The following FRMD3 variants were observed in gnomAD, a reference collection of about 807,000 sequenced individuals.
The protein encoded by FRMD3 is FERM domain-containing protein 3.
Under a neutral mutation model 70.2 loss-of-function variants are expected in FRMD3, and 33 were observed. The observed-to-expected ratio is 0.47, with a 90% CI of 0.36 to 0.63. The LOEUF is 0.63. FRMD3 is among the 20% of genes least tolerant of loss of function. The pLI is 0.00. For missense variants in FRMD3, 632 were observed against 711.4 expected (o/e 0.89, Z 1.27); for synonymous variants, 279 against 255.9 (o/e 1.09, Z -0.86).
chr9:83,370,418 TG>T (rs1292474896), intron 3 of FRMD3, among the ~76,000 whole-genome samples: 1 of 152,240 alleles, frequency 6.6e-6, no homozygotes, highest in East Asian at 1.9e-4. Context: ...ATAATTTTTT[TG>T]TTCGGTAATG....
chr9:83,344,918 T>TAATTTAATCTTTACTCA (rs1823904435), intron 4 of FRMD3, among the ~76,000 whole-genome samples: 1 of 151,206 alleles, frequency 6.6e-6, no homozygotes, highest in South Asian at 2.1e-4. Context: ...AGCGCCCAAG[T>TAATTTAATCTTTACTCA]AATTTAATCT....
At chr9:83,484,576 C>A (rs1162956857) in intron 1 of FRMD3, among the ~76,000 whole-genome samples, 1 of 152,146 alleles carries the variant, frequency 6.6e-6, no homozygotes, top group African/African-American at 2.4e-5. Flanking sequence ...CGCCATCACA[C>A]CTGGCTAAAT....
At chr9:83,264,130 T>A (rs538179104) in intron 13 of FRMD3, among the ~76,000 whole-genome samples, 14 of 152,308 alleles carry the variant, frequency 9.2e-5, no homozygotes, top group South Asian at 4.1e-4. Flanking sequence ...GACAATGGAA[T>A]ATTATTCAGT....
chr9:83,358,189 G>A (rs1053659720), intron 3 of FRMD3, among the ~76,000 whole-genome samples: 6 of 152,106 alleles, frequency 3.9e-5, no homozygotes, highest in Non-Finnish European at 5.9e-5. Flanking sequence ...GTTGAACAGG[G>A]TGTCCTTTCC....
chr9:83,525,624 C>A (rs1054748105), intron 1 of FRMD3, among the ~76,000 whole-genome samples: 2 of 152,154 alleles, frequency 1.3e-5, no homozygotes, highest in African/African-American at 2.4e-5. Flanking sequence ...GGCAACTTCC[C>A]TAGAAAGAAA....
intron 1 of FRMD3, among the ~76,000 whole-genome samples, chr9:83,397,144 G>A (rs1225333992): frequency 6.6e-6 from 1 of 152,188 alleles, no homozygotes; most frequent in Non-Finnish European, 1.5e-5. Flanking sequence ...AAATCTGGAT[G>A]CTAGCTGCCC....
At chr9:83,352,904 C>T (rs1406635362) in intron 3 of FRMD3, among the ~76,000 whole-genome samples, 1 of 152,124 alleles carries the variant, frequency 6.6e-6, no homozygotes, top group Non-Finnish European at 1.5e-5. Flanking sequence ...ACAGAACAAG[C>T]CACTATGTTC....
chr9:83,469,700 AT>A (rs1199703759), intron 1 of FRMD3, among the ~76,000 whole-genome samples: 1 of 152,194 alleles, frequency 6.6e-6, no homozygotes, highest in East Asian at 1.9e-4. Context: ...AAAAAAACAC[AT>A]TAAACTGGAG....
chr9:83,479,633 AAGGAAGGAAGGAAG>A (rs1828489947), intron 1 of FRMD3, among the ~76,000 whole-genome samples: 2 of 40,086 alleles, frequency 5.0e-5, no homozygotes, highest in African/African-American at 1.2e-4. Flanking sequence ...GAAAGGAAGG[AAGGAAGGAAGGAAG>A]GAAGGAAGGA....
chr9:83,301,604 C>A (rs531262197), intron 10 of FRMD3, among the ~76,000 whole-genome samples: 1 of 152,184 alleles, frequency 6.6e-6, no homozygotes, highest in African/African-American at 2.4e-5. Flanking sequence ...ACAGAAGCGA[C>A]ACGTGAAGCC....
At chr9:83,373,023 T>C in intron 2 of FRMD3, 68 bp from the exon 3 acceptor site, 9 of 1,270,956 alleles carry the variant, frequency 7.1e-6, no homozygotes, top group Non-Finnish European at 1.0e-5. Context: ...GAATACCTAA[T>C]AACTAAAAGG....
At chr9:83,478,050 T>C (rs1828440408) in intron 1 of FRMD3, among the ~76,000 whole-genome samples, 1 of 152,232 alleles carries the variant, frequency 6.6e-6, no homozygotes, top group South Asian at 2.1e-4. Flanking sequence ...TTCCCAGGAC[T>C]GGCTTCCCTT....
At chr9:83,339,607 C>G (rs1366175275) in intron 5 of FRMD3, among the ~76,000 whole-genome samples, 1 of 152,176 alleles carries the variant, frequency 6.6e-6, no homozygotes, top group Non-Finnish European at 1.5e-5. Flanking sequence ...CCTTTAGCTC[C>G]AGGGCCAACT....
At chr9:83,307,168 G>C (rs1324868077) in intron 10 of FRMD3, among the ~76,000 whole-genome samples, 6 of 152,004 alleles carry the variant, frequency 3.9e-5, no homozygotes, top group Non-Finnish European at 8.8e-5. Context: ...ATAACTAACT[G>C]AACATCTGTA....
chr9:83,486,986 C>T (rs1448844003), intron 1 of FRMD3, among the ~76,000 whole-genome samples: 2 of 152,154 alleles, frequency 1.3e-5, no homozygotes, highest in Admixed American at 6.6e-5. Flanking sequence ...GAATATTCTC[C>T]CATGAACTGC....
chr9:83,438,886 T>C (rs1317629854), intron 1 of FRMD3, among the ~76,000 whole-genome samples: 1 of 152,220 alleles, frequency 6.6e-6, no homozygotes, highest in Non-Finnish European at 1.5e-5. Context: ...CACCTCAGCA[T>C]AGCCTTCCTC....
the FRMD3 span, among the ~76,000 whole-genome samples, chr9:83,564,446 C>T: frequency 2.9e-3 from 437 of 152,272 alleles, 1 homozygote; most frequent in African/African-American, 9.7e-3. Flanking sequence ...TGCATATTTA[C>T]GTGAATATTA....
At chr9:83,351,323 T>TACACACACACACACACAC (rs56407249) in intron 3 of FRMD3, among the ~76,000 whole-genome samples, 19,110 of 143,522 alleles carry the variant, frequency 0.13, 1,545 homozygotes, top group Admixed American at 0.19. Flanking sequence ...AAACTGATCA[T>TACACACACACACACACAC]ACACACACAC....
chr9:83,334,283 T>G (rs546701679), intron 6 of FRMD3, among the ~76,000 whole-genome samples: 1 of 152,346 alleles, frequency 6.6e-6, no homozygotes, highest in African/African-American at 2.4e-5. Flanking sequence ...ATTACCCACA[T>G]AGATGGCCTG....
Sources: allele counts gnomAD v4.1 joint callset (sites outside exome capture counted in the v4.1 genomes callset), GRCh38; gene constraint gnomAD v4.1.1; transcripts MANE v1.5; gene names NCBI Gene and HGNC (gene_info 2026-07-23, HGNC 2026-07-21).